The following LRRC37B variants were observed in gnomAD, a reference collection of about 807,000 sequenced individuals.
The protein encoded by LRRC37B is leucine-rich repeat-containing protein 37B.
A neutral mutation model predicts 98.3 loss-of-function variants in LRRC37B; 28 were observed. The observed-to-expected ratio is 0.28, with a 90% CI of 0.21 to 0.39. The LOEUF (loss-of-function observed/expected upper bound fraction) is 0.39. LRRC37B is among the 10% of genes least tolerant of loss of function. The pLI is 1.00. For synonymous variants in LRRC37B, 364 were observed against 442.7 expected, an observed-to-expected ratio of 0.82 and a Z score of 2.23; for missense variants, 938 against 1,182.7, an observed-to-expected ratio of 0.79 and a Z score of 3.03.
chr17:32,034,504 CA>C (rs35735718), intron 5 of LRRC37B, among the ~76,000 whole-genome samples: 896 of 43,922 alleles, frequency 0.02, 6 homozygotes, highest in East Asian at 0.059. Context: ...ACTCCATCTC[CA>C]AAAAAAAAAA....
intron 8 of LRRC37B, among the ~76,000 whole-genome samples, chr17:32,046,765 G>A (rs556378226): frequency 1.6e-4 from 24 of 152,200 alleles, no homozygotes; most frequent in Middle Eastern, 3.4e-3. Flanking sequence ...TTCTCCCCAA[G>A]CCCATGTTTC....
chr17:32,025,594 T>A (rs1401207092), intron 2 of LRRC37B, among the ~76,000 whole-genome samples: 1 of 152,208 alleles, frequency 6.6e-6, no homozygotes, highest in Non-Finnish European at 1.5e-5. Flanking sequence ...TTATATGATA[T>A]TCTTTCACTT....
chr17:32,029,902 G>A (rs1190556764), intron 3 of LRRC37B, among the ~76,000 whole-genome samples: 5 of 152,020 alleles, frequency 3.3e-5, no homozygotes, highest in African/African-American at 9.7e-5. Context: ...CCAAGAATTT[G>A]CATCCTCAAT....
chr17:32,039,573 CTATATATATTTTATATATT>C (rs1320499836), intron 7 of LRRC37B, among the ~76,000 whole-genome samples: 1 of 99,270 alleles, frequency 1.0e-5, no homozygotes, highest in Non-Finnish European at 2.0e-5. Flanking sequence ...ATATATATTT[CTATATATATTTTATATATT>C]TATATATATT....
rs199817945 is a variant in LRRC37B, at chr17:32,021,879, G to A, written c.814G>A (p.Ala272Thr). The change falls in exon 1 of 12, where the codon GCA becomes ACA. Residue 272 changes from alanine to threonine, a missense_variant. Transcript: ENST00000327564. Reference sequence around the variant, plus strand: ...CCTACCTCCAGAACTCCGGGTGAACGCAGATGAGCCTCCAGGGCCTCCTGA... The same window carrying A: ...CCTACCTCCAGAACTCCGGGTGAACACAGATGAGCCTCCAGGGCCTCCTGA... 1.1e-5 allele frequency: 17 copies of A among 1,614,150 alleles called. No individual in the cohort carries two copies. The highest frequency in any genetic ancestry group is 1.7e-4 in the Middle Eastern group (1 of 6,060).
Position 32,024,807 on chromosome 17 carries a change from A to G in LRRC37B, c.1832+25A>G, listed in dbSNP as rs539615388. On this transcript the variant is annotated intron_variant, in intron 2 of 11. Coordinates refer to ENST00000327564, the Ensembl canonical transcript of LRRC37B. ...TGTGAGTATATTCTCTCCAAATATGACAAAAAACTAACTGCATTGTAAGAT... is the reference window on the plus strand; with the variant it reads ...TGTGAGTATATTCTCTCCAAATATGGCAAAAAACTAACTGCATTGTAAGAT... The G allele has an allele frequency of 4.6e-5, 73 of 1,596,602 alleles. No homozygotes were observed. In the Middle Eastern group the frequency reaches 6.9e-4, roughly 15 times the overall value.
chr17:32,029,607 G>A (rs1393755311), intron 3 of LRRC37B, among the ~76,000 whole-genome samples: 2 of 151,890 alleles, frequency 1.3e-5, no homozygotes, highest in Non-Finnish European at 2.9e-5. Flanking sequence ...AGACATCTTG[G>A]GGACAATATT....
At position 32,025,016 on chromosome 17, in the gene LRRC37B, T is replaced by G. The variant is rs571570772; in HGVS notation, c.1832+234T>G. Among the ~76,000 whole-genome samples the G allele has an allele frequency of 1.9e-3, 256 of 138,178 alleles. 12 individuals are homozygous for G. Among genetic ancestry groups the G allele is most frequent in the Non-Finnish European group, 2.9e-3 (186 of 63,168 alleles). 90.7% of individuals were successfully genotyped at this position (138,178 alleles called of 152,430 possible). ...TCATACAAATAATACATGGTTATAT[T>G]CTTTTTTTTCCTCGTTTTTTTTTTT... On this transcript the variant is annotated intron_variant, in intron 2 of 11. Transcript: ENST00000327564.
chr17:32,025,022 T>A (rs1244294143), intron 2 of LRRC37B, among the ~76,000 whole-genome samples: 4 of 126,934 alleles, frequency 3.2e-5, no homozygotes, highest in Non-Finnish European at 6.6e-5. Context: ...ATATTCTTTT[T>A]TTTCCTCGTT....
chr17:32,016,262 C>T (rs1339383213), upstream of LRRC37B, among the ~76,000 whole-genome samples: 2 of 152,140 alleles, frequency 1.3e-5, no homozygotes, highest in East Asian at 3.8e-4. Context: ...AGGTAATAAC[C>T]GATCAGGTGG....
At chr17:32,017,585 A>C (rs902528691), upstream of LRRC37B, among the ~76,000 whole-genome samples, 1 of 152,164 alleles carries the variant, frequency 6.6e-6, no homozygotes, top group Non-Finnish European at 1.5e-5. Context: ...CAGAAGGATC[A>C]CTTCAAGCTA....
chr17:32,045,910 T>C lies in LRRC37B; in HGVS notation c.2323+92T>C, dbSNP rs1299400108. ...TTTAATTGATGAAATTTTAAGCTGATGATATAATTGTTTTATTTACTCAGT... is the reference window on the plus strand; with the variant it reads ...TTTAATTGATGAAATTTTAAGCTGACGATATAATTGTTTTATTTACTCAGT... On this transcript the variant is annotated intron_variant, in intron 8 of 11. Transcript: ENST00000327564. 120 of 1,331,776 alleles carry C rather than the reference T, an allele frequency of 9.0e-5. No individual in the cohort carries two copies. The African/African-American group carries it at 1.3e-3, about 14-fold the overall frequency. 82.5% of individuals were successfully genotyped at this position (1,331,776 alleles called of 1,614,324 possible). A position where few individuals can be genotyped will look rare whatever the true frequency, so the allele number is the denominator to read the frequency against.
chr17:32,016,050 C>G (rs1410501359), upstream of LRRC37B, among the ~76,000 whole-genome samples: 1 of 152,144 alleles, frequency 6.6e-6, no homozygotes, highest in African/African-American at 2.4e-5. Context: ...AATTAAATAA[C>G]AGATTATGAC....
intron 7 of LRRC37B, chr17:32,036,221 G>C (rs183461401): frequency 6.6e-6 from 1 of 152,530 alleles, no homozygotes; most frequent in African/African-American, 2.4e-5. Flanking sequence ...GACTGGTTTC[G>C]AACTCCTGAC....
At chr17:32,008,735 GTTTTTA>G (rs1910465607) in intron 1 of LRRC37B, among the ~76,000 whole-genome samples, 2 of 152,194 alleles carry the variant, frequency 1.3e-5, no homozygotes, top group Admixed American at 1.3e-4. Context: ...CTGTGTGTTT[GTTTTTA>G]TTCTTCGAGT....
At chr17:32,040,328 C>G in intron 7 of LRRC37B, 2 of 360,824 alleles carry the variant, frequency 5.5e-6, no homozygotes, top group Non-Finnish European at 5.3e-6. Context: ...GGGGCAGGCG[C>G]AGAGCTGGCA....
At chr17:32,053,472 A>G (rs1911814676) in exon 12 of LRRC37B, 11 of 649,114 alleles carry the variant, frequency 1.7e-5, no homozygotes, top group Non-Finnish European at 2.3e-5. Flanking sequence ...TAATAAAAAT[A>G]AAGCTTGTTA....
At chr17:32,040,410 C>A in intron 7 of LRRC37B, 4 of 520,066 alleles carry the variant, frequency 7.7e-6, no homozygotes, top group Admixed American at 2.4e-5. Context: ...ACGGTCCGGG[C>A]GGAGGTTCTG....
At chr17:32,034,432 G>A (rs1296346500) in intron 5 of LRRC37B, among the ~76,000 whole-genome samples, 1 of 150,154 alleles carries the variant, frequency 6.7e-6, no homozygotes, top group Non-Finnish European at 1.5e-5. Context: ...AATCCAGGAG[G>A]TGGAGGTTGC....
Sources: allele counts gnomAD v4.1 joint callset (sites outside exome capture counted in the v4.1 genomes callset), GRCh38; gene constraint gnomAD v4.1.1; transcripts MANE v1.5; gene names NCBI Gene and HGNC (gene_info 2026-07-23, HGNC 2026-07-21).